DIP2C: variants seen among roughly 807,000 people sequenced by gnomAD.
The protein encoded by DIP2C is disco-interacting protein 2 homolog C.
A neutral mutation model predicts 192.4 loss-of-function variants in DIP2C; 33 were observed. The ratio of observed to expected loss-of-function variants is 0.17; its 90% CI spans 0.13 to 0.23. The LOEUF (loss-of-function observed/expected upper bound fraction) is 0.23. DIP2C is among the 10% of genes least tolerant of loss of function. The pLI, the probability that DIP2C is intolerant of heterozygous loss-of-function variation, is 1.00. For missense variants in DIP2C, 1,537 were observed against 2,110.1 expected, an observed-to-expected ratio of 0.73 and a Z score of 5.32; for synonymous variants, 979 against 864.1, an observed-to-expected ratio of 1.13 and a Z score of -2.33.
chr10:674,910 T>C (rs972930918), intron 1 of DIP2C, among the ~76,000 whole-genome samples: 5 of 150,942 alleles, frequency 3.3e-5, no homozygotes, highest in East Asian at 3.9e-4. Flanking sequence ...CAACAAAATA[T>C]CGAATTTAAA....
At chr10:485,638 C>A (rs1588267616) in intron 2 of DIP2C, among the ~76,000 whole-genome samples, 1 of 152,322 alleles carries the variant, frequency 6.6e-6, no homozygotes, top group African/African-American at 2.4e-5. Flanking sequence ...TCGGGAAGAA[C>A]AGAATCGGGG....
In DIP2C at chr10:597,389, T is replaced by C. The variant is rs556669440; in HGVS notation, c.85+92105A>G. Among the ~76,000 whole-genome samples the C allele has an allele frequency of 2.0e-5, 3 of 152,310 alleles. No individual in the cohort carries two copies. In the South Asian group the frequency reaches 6.2e-4, roughly 32 times the overall value. The stretch of plus-strand genomic sequence containing the variant: ...CTGGCTCTGTCTCTCTGGAGAGCCC[T>C]GACTAAGCTGCCCCTAGAAGTGGTC... On this transcript the variant is annotated intron_variant, in intron 1 of 36. Transcript: ENST00000280886.
chr10:490,879 C>T (rs960616877), intron 1 of DIP2C, among the ~76,000 whole-genome samples: 2 of 152,106 alleles, frequency 1.3e-5, no homozygotes, highest in South Asian at 2.1e-4. Context: ...AAGTGAAAAC[C>T]CCAGTGAGGC....
At chr10:384,443 G>T in intron 15 of DIP2C, 103 bp downstream of exon 15, 6 of 1,182,974 alleles carry the variant, frequency 5.1e-6, no homozygotes, top group South Asian at 1.3e-5. Flanking sequence ...TCTCCATATT[G>T]GCCCGGGTGG....
intron 31 of DIP2C, among the ~76,000 whole-genome samples, chr10:323,935 G>T (rs1454652403): frequency 6.6e-6 from 1 of 152,022 alleles, no homozygotes; most frequent in Non-Finnish European, 1.5e-5. Context: ...TCACCATCAG[G>T]TTTTTTTAAT....
At chr10:304,947 CACG>C (rs1388094456) in intron 32 of DIP2C, among the ~76,000 whole-genome samples, 7 of 152,330 alleles carry the variant, frequency 4.6e-5, no homozygotes, top group East Asian at 1.9e-4. Flanking sequence ...TATGCACACA[CACG>C]ACACGTGCAA....
intron 1 of DIP2C, among the ~76,000 whole-genome samples, chr10:662,559 A>C (rs530743271): frequency 6.6e-6 from 1 of 152,356 alleles, no homozygotes; most frequent in Admixed American, 6.5e-5. Flanking sequence ...GTTACACATT[A>C]CTTAAACCAA....
intron 1 of DIP2C, among the ~76,000 whole-genome samples, chr10:679,998 C>T (rs540225982): frequency 3.5e-4 from 53 of 152,234 alleles, no homozygotes; most frequent in African/African-American, 1.2e-3. Flanking sequence ...TCCTGACAGT[C>T]GGTTTATTAG....
chr10:619,537 G>GCCCTCCCGCCCT (rs528029497), intron 1 of DIP2C, among the ~76,000 whole-genome samples: 4 of 51,330 alleles, frequency 7.8e-5, no homozygotes, highest in African/African-American at 2.1e-4. Flanking sequence ...AAGCCCGCCC[G>GCCCTCCCGCCCT]CCCGCCCTCC....
chr10:382,720 T>G lies in DIP2C; in HGVS notation c.1918A>C (p.Ser640Arg), dbSNP rs150975809. ...ATGACCTCCTGTCGAAGGCCTTTAC[T>G]TTGGAAGACATTGAGAAATGCATCG... ...SCDAFLNVFQ[S>R]KGLRQEVICP... The change falls in exon 17 of 37, where the codon AGT (serine) becomes CGT (arginine). Residue 640 changes from serine to arginine, a missense_variant. Physicochemically the swap from Ser to Arg is moderately radical, Grantham distance 110. Around this residue, in one of 4 missense-constraint regions of DIP2C, gnomAD observed 677 missense variants for 989.9 expected, o/e 0.68. Coordinates refer to ENST00000280886, the MANE Select transcript of DIP2C (RefSeq NM_014974.3). The G allele has an allele frequency of 9.6e-5, 155 of 1,613,762 alleles. No homozygotes were observed. The highest frequency in any genetic ancestry group is 1.2e-4 in the Admixed American group (7 of 59,970).
intron 4 of DIP2C, among the ~76,000 whole-genome samples, chr10:434,829 T>G (rs150970733): frequency 5.3e-5 from 8 of 152,332 alleles, no homozygotes; most frequent in African/African-American, 1.7e-4. Context: ...TGAGGGGAAG[T>G]TGAATAGAAT....
chr10:440,751 T>C, intron 4 of DIP2C, 120 bp downstream of exon 4: 1 of 1,418,406 alleles, frequency 7.1e-7, no homozygotes, highest in Non-Finnish European at 9.3e-7. Flanking sequence ...GACTTCTGGT[T>C]CACAAAATCT....
intron 32 of DIP2C, among the ~76,000 whole-genome samples, chr10:300,490 A>G (rs1157903219): frequency 6.6e-6 from 1 of 152,192 alleles, no homozygotes; most frequent in African/African-American, 2.4e-5. Flanking sequence ...GGGCCGAGAA[A>G]AGAGGGATGG....
chr10:634,188 T>C (rs1269200559), intron 1 of DIP2C, among the ~76,000 whole-genome samples: 1 of 152,198 alleles, frequency 6.6e-6, no homozygotes, highest in East Asian at 1.9e-4. Context: ...AATAAAAACC[T>C]GGGGCTCAGC....
At chr10:601,329 A>G (rs1381048779) in intron 1 of DIP2C, among the ~76,000 whole-genome samples, 1 of 147,618 alleles carries the variant, frequency 6.8e-6, no homozygotes, top group Non-Finnish European at 1.5e-5. Flanking sequence ...AACTACATCC[A>G]TGCTTCAAAA....
chr10:454,567 T>C (rs1484108492), intron 3 of DIP2C, among the ~76,000 whole-genome samples: 2 of 121,700 alleles, frequency 1.6e-5, no homozygotes, highest in African/African-American at 1.2e-4. Flanking sequence ...ATGCACCATC[T>C]ATGCTTGATG....
rs529535095 is a variant in DIP2C, at chr10:592,622, A to G, written c.85+96872T>C. Among the ~76,000 whole-genome samples, 7 of 152,336 alleles carry G rather than the reference A, an allele frequency of 4.6e-5. No individual in the cohort carries two copies. The South Asian group carries it at 6.2e-4, about 14-fold the overall frequency. On this transcript the variant is annotated intron_variant, in intron 1 of 36. Transcript: ENST00000280886. ...GGTTCTGAATTCCTGGGATTCAGAA[A>G]CTAATTAGCAACCCTGTTTGGAGGC...
chr10:572,382 G>C (rs1220720221), intron 1 of DIP2C, among the ~76,000 whole-genome samples: 2 of 152,184 alleles, frequency 1.3e-5, no homozygotes, highest in Admixed American at 1.3e-4. Context: ...CTCCGTCCAG[G>C]CAGAGGGTTG....
At chr10:680,160 G>T (rs566196383) in intron 1 of DIP2C, among the ~76,000 whole-genome samples, 1 of 152,262 alleles carries the variant, frequency 6.6e-6, no homozygotes. Context: ...AGAACGCTTG[G>T]GACCCTGGCA....
Sources: gnomAD v4.1 joint callset for allele counts (sites outside exome capture counted in the v4.1 genomes callset) on GRCh38, gnomAD v4.1.1 for gene constraint, gnomAD v4.1.1 regional missense constraint, MANE v1.5 for transcripts, NCBI Gene and HGNC (gene_info 2026-07-23, HGNC 2026-07-21) for gene names.